SEPTIN8: variants seen among roughly 807,000 people sequenced by gnomAD.
SEPTIN8 encodes the protein septin-8.
A neutral mutation model predicts 53.1 loss-of-function variants in SEPTIN8; 22 were observed. That is an observed-to-expected ratio of 0.41 (90% CI 0.30 to 0.59). The LOEUF (loss-of-function observed/expected upper bound fraction) is 0.59, where lower values mean the gene tolerates loss of function less well. SEPTIN8 is among the 20% of genes least tolerant of loss of function. The pLI is 0.24. For synonymous variants in SEPTIN8, 228 were observed against 248.4 expected (o/e 0.92, Z 0.77); for missense variants, 536 against 638.7 (o/e 0.84, Z 1.73).
intron 1 of SEPTIN8, among the ~76,000 whole-genome samples, chr5:132,771,304 G>A (rs1421027742): frequency 6.6e-6 from 1 of 152,200 alleles, no homozygotes; most frequent in Non-Finnish European, 1.5e-5. Context: ...GAAGCTGTGG[G>A]TAAATAAAGA....
Position 132,760,911 on chromosome 5 carries a change from C to T in SEPTIN8, c.1177G>A (p.Glu393Lys), listed in dbSNP as rs749544326. 6.2e-7 allele frequency: 1 copy of T among 1,608,346 alleles called. No homozygotes were observed. Among genetic ancestry groups the T allele is most frequent in the East Asian group, 2.2e-5 (1 of 44,856 alleles). ...CGGCGATTGAAGGCGTTGGTCTCCT[C>T]CTCCAGTTCCCGGCGCTTTTCCTCC... ...KVEEKRRELEEETNAFNRRKA... is the reference protein window; with the variant it reads ...KVEEKRRELEKETNAFNRRKA... Residue 393 changes from glutamate (E) to lysine (K), a missense_variant, in exon 9 of 10, where the codon GAG becomes AAG. Around this residue, in one of 3 missense-constraint regions of SEPTIN8, gnomAD observed 133 missense variants for 157.4 expected, o/e 0.84. Transcript: ENST00000378719. The surrounding 1 kb of genome is among the most constrained non-coding windows in gnomAD (Gnocchi z 5.2).
At chr5:132,763,627 T>G in intron 4 of SEPTIN8, 79 bp downstream of exon 4, 4 of 1,369,332 alleles carry the variant, frequency 2.9e-6, no homozygotes, top group South Asian at 2.5e-5. Context: ...GACCATGGTG[T>G]TCAGGCATGA....
At chr5:132,770,958 T>A (rs1757263378) in intron 1 of SEPTIN8, among the ~76,000 whole-genome samples, 1 of 152,210 alleles carries the variant, frequency 6.6e-6, no homozygotes, top group Non-Finnish European at 1.5e-5. Context: ...GGCTTCTGTG[T>A]CATCATTTCT....
chr5:132,757,958 G>A lies in SEPTIN8; in HGVS notation c.1286+2844C>T, dbSNP rs1755497089. On this transcript the variant is annotated intron_variant, in intron 9 of 9. Coordinates refer to ENST00000378719, the MANE Select transcript of SEPTIN8 (RefSeq NM_001098811.2). ...TTTACATTTGGAATATGCAGGATTT[G>A]CTTGGGAGTCTTAATTGGAGTCAAA... is the stretch of plus-strand genomic sequence containing the variant. 4 of 986,138 alleles carry A rather than the reference G, an allele frequency of 4.1e-6. No individual in the cohort carries two copies. The African/African-American group carries it at 7.0e-5, about 17-fold the overall frequency. 61.1% of individuals were successfully genotyped at this position (986,138 alleles called of 1,614,324 possible).
intron 1 of SEPTIN8, among the ~76,000 whole-genome samples, chr5:132,767,943 CCA>C (rs57640097): frequency 0.017 from 2,137 of 127,948 alleles, 51 homozygotes; most frequent in African/African-American, 0.053. Context: ...TGTCTGGAAA[CCA>C]CACACACACA....
upstream of SEPTIN8, chr5:132,777,654 C>T: frequency 1.0e-6 from 1 of 985,584 alleles, no homozygotes. This position sits in a 1 kb window ranked among gnomAD's most constrained non-coding sequence, Gnocchi z 4.1. Flanking sequence ...CTGGAGCCTG[C>T]AAATGTGCTG....
rs756457851 is a variant in SEPTIN8, at chr5:132,765,493, C to T, written c.67G>A (p.Gly23Ser). ...EPEPRSLSLG[G>S]HVGFDSLPDQ... is the part of the protein sequence containing the mutation. Reference sequence around the variant, plus strand: ...GGGAGGCTGTCGAAACCCACATGGCCGCCCAGGGAGAGGCTCCGGGGCTCT... The same window carrying T: ...GGGAGGCTGTCGAAACCCACATGGCTGCCCAGGGAGAGGCTCCGGGGCTCT... The change falls in exon 2 of 10, where the codon GGC (glycine) becomes AGC (serine). Residue 23 changes from glycine to serine, a missense_variant. Physicochemically the swap from Gly to Ser is moderately conservative, Grantham distance 56. Transcript: ENST00000378719. 34 of 1,611,440 alleles carry T rather than the reference C, an allele frequency of 2.1e-5. No individual in the cohort carries two copies. Among genetic ancestry groups the T allele is most frequent in the Non-Finnish European group, 2.5e-5 (29 of 1,178,834 alleles).
chr5:132,765,550 C>T (rs2149982219), intron 1 of SEPTIN8, 21 bp from the exon 2 acceptor site: 2 of 1,569,590 alleles, frequency 1.3e-6, no homozygotes, highest in South Asian at 1.2e-5. Flanking sequence ...AGAAATAAAG[C>T]AAGACATGAG....
At chr5:132,763,947 C>T (rs936874079) in intron 3 of SEPTIN8, 55 bp from the exon 4 acceptor site, 2 of 1,466,364 alleles carry the variant, frequency 1.4e-6, no homozygotes, top group South Asian at 2.7e-5. Flanking sequence ...GGGCTTGGGG[C>T]TTGGGGGGCT....
In SEPTIN8 at chr5:132,751,020, A is replaced by G. The variant is rs774182159; in HGVS notation, c.*996T>C. On this transcript the variant is annotated 3_prime_UTR_variant, in exon 10 of 10. Transcript: ENST00000378719. ...ATAGTGAGTAAGGAGGTGTTTACAG[A>G]GTCTACCCTAAACTCGTTTGTGCCT... 66 of 1,609,052 alleles carry G rather than the reference A, an allele frequency of 4.1e-5. No homozygotes were observed. In the South Asian group the frequency reaches 7.0e-4, roughly 17 times the overall value.
Position 132,751,221 on chromosome 5 carries a change from A to T in SEPTIN8, c.*795T>A. The T allele has an allele frequency of 2.2e-6, 1 of 457,868 alleles. No individual in the cohort carries two copies. Among genetic ancestry groups the T allele is most frequent in the African/African-American group, 2.0e-5 (1 of 50,278 alleles). The allele number at this position is 457,868 out of a possible 1,614,324, so 28.4% of individuals were successfully genotyped here. A position where few individuals can be genotyped will look rare whatever the true frequency, so the allele number is the denominator to read the frequency against. On this transcript the variant is annotated 3_prime_UTR_variant, in exon 10 of 10. Coordinates refer to ENST00000378719, the MANE Select transcript of SEPTIN8 (RefSeq NM_001098811.2). ...TTCTAAAGGACATTAAATTAACTTTACAAAGATTTTTAGACGGCACTATTA... is the reference window on the plus strand; with the variant it reads ...TTCTAAAGGACATTAAATTAACTTTTCAAAGATTTTTAGACGGCACTATTA...
Position 132,761,764 on chromosome 5 carries a change from T to C in SEPTIN8, c.793+36A>G, listed in dbSNP as rs1160896691. On this transcript the variant is annotated intron_variant, in intron 6 of 9. Coordinates refer to ENST00000378719, the MANE Select transcript of SEPTIN8 (RefSeq NM_001098811.2). The surrounding 1 kb of genome is among the most constrained non-coding windows in gnomAD (Gnocchi z 5.8). ...CAGCAGGGCAGGCCAGGGAACTCAG[T>C]TCTACCCCCAGGATGCATTTCCTGT... The C allele has an allele frequency of 6.3e-7, 1 of 1,592,064 alleles. No homozygotes were observed.
At chr5:132,770,121 A>G (rs1389375647) in intron 1 of SEPTIN8, among the ~76,000 whole-genome samples, 6 of 91,356 alleles carry the variant, frequency 6.6e-5, no homozygotes, top group African/African-American at 5.1e-4. Context: ...ATATATATAT[A>G]TATGTATATA....
In SEPTIN8 at chr5:132,773,806, T is replaced by A. The variant is rs998733105; in HGVS notation, c.30+3302A>T. On this transcript the variant is annotated intron_variant, in intron 1 of 9. Coordinates refer to ENST00000378719, the MANE Select transcript of SEPTIN8 (RefSeq NM_001098811.2). The surrounding 1 kb of genome is among the most constrained non-coding windows in gnomAD (Gnocchi z 4.2). ...TGTGCTCCCTGGAATGACCAATGCT[T>A]TCCATCAGCCCCGCAGCTCTGACCC... The A allele has an allele frequency of 1.3e-5, 2 of 152,530 alleles. No homozygotes were observed. The highest frequency in any genetic ancestry group is 1.3e-4 in the Admixed American group (2 of 15,286). The allele number at this position is 152,530 out of a possible 1,614,324, so 9.4% of individuals were successfully genotyped here. A position where few individuals can be genotyped will look rare whatever the true frequency, so the allele number is the denominator to read the frequency against.
At chr5:132,764,786 C>A (rs912380835) in intron 2 of SEPTIN8, among the ~76,000 whole-genome samples, 1 of 152,172 alleles carries the variant, frequency 6.6e-6, no homozygotes, top group Non-Finnish European at 1.5e-5. Flanking sequence ...CTCCTGGGAC[C>A]AGGGTGGTCA....
At chr5:132,775,877 AACTT>A (rs1437898945) in intron 1 of SEPTIN8, 1 of 152,174 alleles carries the variant, frequency 6.6e-6, no homozygotes, top group Admixed American at 6.5e-5. Flanking sequence ...CATGTATTTA[AACTT>A]ACTTAACTGA....
At chr5:132,765,594 G>C in intron 1 of SEPTIN8, 65 bp from the exon 2 acceptor site, 2 of 1,518,440 alleles carry the variant, frequency 1.3e-6, no homozygotes, top group East Asian at 4.7e-5. Context: ...CTGCGGGGTG[G>C]GCGCTAAATC....
chr5:132,768,191 G>A (rs1266128149), intron 1 of SEPTIN8, among the ~76,000 whole-genome samples: 1 of 152,064 alleles, frequency 6.6e-6, no homozygotes, highest in African/African-American at 2.4e-5. Context: ...GTGGGGTACA[G>A]GGAGGTCATC....
chr5:132,769,630 C>T (rs1756965698), intron 1 of SEPTIN8, among the ~76,000 whole-genome samples: 1 of 152,088 alleles, frequency 6.6e-6, no homozygotes, highest in Admixed American at 6.5e-5. Flanking sequence ...CCGTAGCAGC[C>T]TCCCCATTGT....
Sources: gnomAD v4.1 joint callset for allele counts (sites outside exome capture counted in the v4.1 genomes callset) on GRCh38, gnomAD v4.1.1 for gene constraint, gnomAD v4.1.1 regional missense constraint, Gnocchi (gnomAD v3.1) non-coding constraint, MANE v1.5 for transcripts, NCBI Gene and HGNC (gene_info 2026-07-23, HGNC 2026-07-21) for gene names.